Variants in PTPN5 observed in about 807,000 individuals in gnomAD.
PTPN5 encodes the protein tyrosine-protein phosphatase non-receptor type 5.
Under a neutral mutation model 73.9 loss-of-function variants are expected in PTPN5, and 29 were observed. The ratio of observed to expected loss-of-function variants is 0.39; its 90% CI spans 0.29 to 0.54. PTPN5 has a LOEUF of 0.54. PTPN5 is among the 20% of genes least tolerant of loss of function. The probability of loss-of-function intolerance (pLI) is 0.65; values close to 1 mark genes in which losing one functional copy is unlikely to be tolerated. For missense variants in PTPN5, 652 were observed against 751.4 expected, an observed-to-expected ratio of 0.87 and a Z score of 1.55; for synonymous variants, 267 against 304.7, an observed-to-expected ratio of 0.88 and a Z score of 1.29.
intron 3 of PTPN5, among the ~76,000 whole-genome samples, chr11:18,765,238 G>A (rs566674610): frequency 6.6e-5 from 10 of 151,854 alleles, no homozygotes; most frequent in Admixed American, 1.3e-4. Flanking sequence ...TTATCATGGC[G>A]TGGGTCATGG....
intron 3 of PTPN5, among the ~76,000 whole-genome samples, chr11:18,762,818 C>T (rs1271215829): frequency 6.6e-6 from 1 of 152,226 alleles, no homozygotes; most frequent in Non-Finnish European, 1.5e-5. Flanking sequence ...GATTCAGTAG[C>T]TTGTCCATGA....
chr11:18,742,915 A>C lies in PTPN5; in HGVS notation c.483+77T>G. The C allele has an allele frequency of 1.0e-6, 1 of 983,914 alleles. No homozygotes were observed. The allele number at this position is 983,914 out of a possible 1,614,324, so 60.9% of individuals were successfully genotyped here. On this transcript the variant is annotated intron_variant, in intron 6 of 14. Transcript: ENST00000358540. The surrounding 1 kb of genome is among the most constrained non-coding windows in gnomAD (Gnocchi z 4.1). ...ACCCAGAATGTCCAGCCTATAAGTC[A>C]GATGGGAGCTGGTAGAAATCCAGGC... is the stretch of plus-strand genomic sequence containing the variant.
At chr11:18,788,381 T>C (rs1030388054) in intron 1 of PTPN5, among the ~76,000 whole-genome samples, 1 of 152,114 alleles carries the variant, frequency 6.6e-6, no homozygotes, top group African/African-American at 2.4e-5. Context: ...AGCTTGGCAG[T>C]CAATGTCCCC....
At chr11:18,730,530 G>A (rs1376704933) in intron 12 of PTPN5, 1 of 152,416 alleles carries the variant, frequency 6.6e-6, no homozygotes, top group Non-Finnish European at 1.5e-5. Context: ...ATGAAGTCAT[G>A]AGAACGGAGC....
intron 1 of PTPN5, among the ~76,000 whole-genome samples, chr11:18,781,979 T>C (rs1435280521): frequency 6.6e-6 from 1 of 151,946 alleles, no homozygotes; most frequent in Non-Finnish European, 1.5e-5. Context: ...CCCGGAGAGG[T>C]GAAAGCACAA....
chr11:18,740,824 C>A (rs757891508), intron 7 of PTPN5, 32 bp from the exon 8 acceptor site: 1 of 1,426,392 alleles, frequency 7.0e-7, no homozygotes, highest in African/African-American at 1.5e-5. Context: ...GTGTGAGCCT[C>A]AGGGGCAGAG....
In PTPN5 at chr11:18,733,425, C is replaced by T; in HGVS notation, c.1081-53G>A. The T allele has an allele frequency of 6.2e-7, 1 of 1,609,564 alleles. No individual in the cohort carries two copies. Among genetic ancestry groups the T allele is most frequent in the South Asian group, 1.1e-5 (1 of 90,724 alleles). ...GGGTCAGAGGCAGTGCTCCCAGGAC[C>T]CCATCCCCACACTCAGGCTCTTCAC... On this transcript the variant is annotated intron_variant, in intron 10 of 14. Transcript: ENST00000358540. This position sits in a 1 kb window ranked among gnomAD's most constrained non-coding sequence, Gnocchi z 4.3.
At chr11:18,759,274 C>T (rs1420170039) in intron 3 of PTPN5, among the ~76,000 whole-genome samples, 2 of 152,212 alleles carry the variant, frequency 1.3e-5, no homozygotes, top group African/African-American at 2.4e-5. Context: ...AAGCACTTTA[C>T]GTCCATGAAC....
rs1590515310 is a variant in PTPN5 at position 18,743,210 on chromosome 11, G to A, written c.399+112C>T. On this transcript the variant is annotated intron_variant, in intron 5 of 14. Transcript: ENST00000358540. ...GGGAGCAGGCAGAAGAACTTCAGGG[G>A]CTTGGAAGTATCTTCTGAACTCAGA... 9.6e-6 allele frequency: 12 copies of A among 1,253,604 alleles called. No individual in the cohort carries two copies. In the East Asian group the frequency reaches 2.6e-4, roughly 27 times the overall value. 77.7% of individuals were successfully genotyped at this position (1,253,604 alleles called of 1,614,324 possible).
chr11:18,778,250 G>A (rs1851262174), intron 1 of PTPN5, among the ~76,000 whole-genome samples: 1 of 152,162 alleles, frequency 6.6e-6, no homozygotes, highest in South Asian at 2.1e-4. Context: ...CGAGCACATG[G>A]CACGCTGTAT....
chr11:18,789,763 GAA>G (rs1433115906), intron 1 of PTPN5, among the ~76,000 whole-genome samples: 1 of 152,184 alleles, frequency 6.6e-6, no homozygotes, highest in Non-Finnish European at 1.5e-5. Flanking sequence ...AAAGGCATAA[GAA>G]TGACACAATG....
intron 3 of PTPN5, among the ~76,000 whole-genome samples, chr11:18,746,201 T>C (rs1175780024): frequency 5.2e-4 from 39 of 75,724 alleles, no homozygotes; most frequent in Middle Eastern, 8.1e-3. Context: ...ATACATTTTT[T>C]TTTTTTTTGA....
intron 3 of PTPN5, 93 bp from the exon 4 acceptor site, chr11:18,744,292 A>C (rs1367902223): frequency 1.7e-6 from 2 of 1,144,472 alleles, no homozygotes; most frequent in Non-Finnish European, 2.3e-6. Flanking sequence ...GCTGCCTCTC[A>C]ATCTGGGATC....
At chr11:18,753,196 GGCAAATCCCAAGCCTCCAGAGGCT>G (rs1203192087) in intron 3 of PTPN5, among the ~76,000 whole-genome samples, 1 of 152,184 alleles carries the variant, frequency 6.6e-6, no homozygotes, top group African/African-American at 2.4e-5. Flanking sequence ...AGGACAGCAG[GGCAAATCCCAAGCCTCCAGAGGCT>G]GCCAACCATC....
intron 3 of PTPN5, among the ~76,000 whole-genome samples, chr11:18,755,685 T>C (rs1248403642): frequency 6.6e-6 from 1 of 152,052 alleles, no homozygotes; most frequent in Non-Finnish European, 1.5e-5. Flanking sequence ...AGCTAGGTGA[T>C]GTTCAACAGG....
At chr11:18,771,059 G>C (rs932430254) in intron 2 of PTPN5, among the ~76,000 whole-genome samples, 1 of 152,180 alleles carries the variant, frequency 6.6e-6, no homozygotes, top group Non-Finnish European at 1.5e-5. Context: ...CAGGGAGCCT[G>C]AGCCTGCTTC....
intron 3 of PTPN5, among the ~76,000 whole-genome samples, chr11:18,749,948 G>A (rs1343822332): frequency 6.6e-6 from 1 of 152,214 alleles, no homozygotes; most frequent in Non-Finnish European, 1.5e-5. Flanking sequence ...CCTTCCCAAT[G>A]TGGCCAGCGG....
intron 1 of PTPN5, among the ~76,000 whole-genome samples, chr11:18,785,627 A>G (rs10832985): frequency 0.29 from 44,313 of 152,084 alleles, 6,615 homozygotes; most frequent in Middle Eastern, 0.37. Flanking sequence ...GAATCTTCAG[A>G]ATTGATTCCA....
chr11:18,787,875 A>G (rs1227719503), intron 1 of PTPN5, among the ~76,000 whole-genome samples: 7 of 152,200 alleles, frequency 4.6e-5, no homozygotes, highest in Admixed American at 4.6e-4. Flanking sequence ...CCTGGCATGT[A>G]ACAGATGTTT....
Sources: allele counts gnomAD v4.1 joint callset (sites outside exome capture counted in the v4.1 genomes callset), GRCh38; gene constraint gnomAD v4.1.1; non-coding constraint Gnocchi (gnomAD v3.1); transcripts MANE v1.5; gene names NCBI Gene and HGNC (gene_info 2026-07-23, HGNC 2026-07-21).